MAP4K3: variants seen among roughly 807,000 people sequenced by gnomAD.
The protein encoded by MAP4K3 is MAPK/ERK kinase kinase kinase 3.
Under a neutral mutation model 143.5 loss-of-function variants are expected in MAP4K3, and 94 were observed. The observed-to-expected ratio is 0.65, with a 90% CI of 0.55 to 0.78. The LOEUF (loss-of-function observed/expected upper bound fraction) is 0.78. Ranked by LOEUF, MAP4K3 falls within the 30% of genes least tolerant of loss-of-function variation. The probability of loss-of-function intolerance (pLI) is 0.00; values close to 1 mark genes in which losing one functional copy is unlikely to be tolerated. For missense variants in MAP4K3, 1,077 were observed against 1,068.1 expected (o/e 1.01, Z -0.12); for synonymous variants, 416 against 347.2 (o/e 1.20, Z -2.20).
intron 24 of MAP4K3, among the ~76,000 whole-genome samples, chr2:39,278,143 G>A (rs978750461): frequency 1.2e-4 from 18 of 151,828 alleles, no homozygotes; most frequent in African/African-American, 3.6e-4. Context: ...TTGGCTGGGC[G>A]TGGTGGTGCG....
chr2:39,298,853 C>G (rs1461079610), intron 16 of MAP4K3, among the ~76,000 whole-genome samples: 1 of 151,480 alleles, frequency 6.6e-6, no homozygotes, highest in East Asian at 1.9e-4. Context: ...GTAGTCCCAG[C>G]TACTGGGAGG....
chr2:39,337,741 G>A (rs1558654066), intron 4 of MAP4K3, among the ~76,000 whole-genome samples, 160 bp from the exon 5 acceptor site: 1 of 144,476 alleles, frequency 6.9e-6, no homozygotes, highest in Non-Finnish European at 1.5e-5. Flanking sequence ...GTCCTACTGT[G>A]CCTGGCTCCA....
intron 28 of MAP4K3, among the ~76,000 whole-genome samples, chr2:39,262,288 T>C (rs1680602066): frequency 6.6e-6 from 1 of 152,222 alleles, no homozygotes; most frequent in Non-Finnish European, 1.5e-5. Context: ...TGTGTTCACC[T>C]GCTGTTCCTA....
At chr2:39,341,523 G>C (rs1665139659) in intron 4 of MAP4K3, among the ~76,000 whole-genome samples, 1 of 152,010 alleles carries the variant, frequency 6.6e-6, no homozygotes, top group Admixed American at 6.6e-5. Flanking sequence ...CGGTGTGGTG[G>C]CAGGAACCTG....
chr2:39,252,320 C>A lies in MAP4K3; in HGVS notation c.2542-435G>T, dbSNP rs138032393. ...AAAGGCAGACATGCCTTGAGTTTGA[C>A]TGTCAGTTCTCCCACTTACTGGGCA... On this transcript the variant is annotated intron_variant, in intron 32 of 33. Coordinates refer to ENST00000263881, the MANE Select transcript of MAP4K3 (RefSeq NM_003618.4). 2.4e-3 allele frequency among the ~76,000 whole-genome samples: 370 copies of A among 152,346 alleles called. 3 individuals carry two copies. Among genetic ancestry groups the A allele is most frequent in the African/African-American group, 7.9e-3 (328 of 41,588 alleles).
chr2:39,337,456 C>CA, intron 5 of MAP4K3, 70 bp downstream of exon 5: 1 of 1,070,924 alleles, frequency 9.3e-7, no homozygotes, highest in South Asian at 1.4e-5. Context: ...CTTTGCTGAA[C>CA]AGGTAATGCA....
intron 15 of MAP4K3, among the ~76,000 whole-genome samples, chr2:39,301,047 A>C (rs369275810): frequency 6.6e-6 from 1 of 152,190 alleles, no homozygotes; most frequent in African/African-American, 2.4e-5. Context: ...GACACTAAAA[A>C]CTAAGCCTCA....
rs139343955 is a variant in MAP4K3 at position 39,373,814 on chromosome 2, G to T, written c.154+4252C>A. ...GGAAGCTTACAGGGCTTGGTGGGGG[G>T]GTAGAAGGGATTTGGAGATGGTTAA... is the stretch of plus-strand genomic sequence containing the variant. On this transcript the variant is annotated intron_variant, in intron 2 of 33. Coordinates refer to ENST00000263881, the MANE Select transcript of MAP4K3 (RefSeq NM_003618.4). Among the ~76,000 whole-genome samples the T allele has an allele frequency of 3.4e-4, 52 of 152,128 alleles. No homozygotes were observed. The East Asian group carries it at 6.2e-3, about 18-fold the overall frequency.
intron 1 of MAP4K3, among the ~76,000 whole-genome samples, chr2:39,426,518 G>C (rs1362309413): frequency 2.0e-5 from 3 of 151,864 alleles, no homozygotes; most frequent in South Asian, 4.2e-4. Context: ...ACACATCAAA[G>C]TATTTATGGG....
chr2:39,327,311 G>T (rs76629034), intron 8 of MAP4K3, among the ~76,000 whole-genome samples: 5,168 of 152,086 alleles, frequency 0.034, 129 homozygotes, highest in South Asian at 0.054. Flanking sequence ...TATAATAATG[G>T]AAAAGTTATA....
intron 13 of MAP4K3, among the ~76,000 whole-genome samples, chr2:39,315,033 C>T (rs1326715419): frequency 1.3e-5 from 2 of 152,164 alleles, no homozygotes; most frequent in Admixed American, 6.5e-5. Flanking sequence ...TACATGCACA[C>T]AGGCATTTAC....
intron 1 of MAP4K3, among the ~76,000 whole-genome samples, chr2:39,386,820 C>CTTTTTTTT (rs56011585): frequency 1.4e-5 from 2 of 139,152 alleles, no homozygotes; most frequent in African/African-American, 5.5e-5. Flanking sequence ...TTTTGTTGTT[C>CTTTTTTTT]TTTTTTTTTT....
intron 1 of MAP4K3, among the ~76,000 whole-genome samples, chr2:39,395,563 T>C (rs1206189906): frequency 6.6e-6 from 1 of 152,242 alleles, no homozygotes; most frequent in Non-Finnish European, 1.5e-5. Context: ...AGCTAATTTG[T>C]CTTCCTGCTT....
At chr2:39,339,206 T>G (rs1665071875) in intron 4 of MAP4K3, among the ~76,000 whole-genome samples, 1 of 152,162 alleles carries the variant, frequency 6.6e-6, no homozygotes, top group African/African-American at 2.4e-5. Flanking sequence ...CTATTCCAAT[T>G]AGATTATTTT....
At chr2:39,378,212 T>C (rs1209733413) in intron 1 of MAP4K3, 89 bp from the exon 2 acceptor site, 16 of 663,600 alleles carry the variant, frequency 2.4e-5, no homozygotes, top group Non-Finnish European at 4.2e-5. Flanking sequence ...TTTTCAGTTA[T>C]ATAAAAATAT....
intron 1 of MAP4K3, among the ~76,000 whole-genome samples, chr2:39,400,031 T>TAACCAACTA (rs1666911735): frequency 6.6e-6 from 1 of 152,142 alleles, no homozygotes. Context: ...CAGACCCATA[T>TAACCAACTA]AACCAACTAG....
chr2:39,291,834 C>T (rs888023924), intron 18 of MAP4K3, among the ~76,000 whole-genome samples: 1 of 152,134 alleles, frequency 6.6e-6, no homozygotes, highest in Non-Finnish European at 1.5e-5. Flanking sequence ...CAAGATCACA[C>T]CACTGCACTT....
chr2:39,343,302 A>C, intron 4 of MAP4K3, 86 bp downstream of exon 4: 1 of 896,428 alleles, frequency 1.1e-6, no homozygotes, highest in Non-Finnish European at 1.8e-6. Context: ...GCTTTCCTTA[A>C]GATAATGTTG....
At chr2:39,410,521 A>G (rs1317496149) in intron 1 of MAP4K3, among the ~76,000 whole-genome samples, 1 of 152,192 alleles carries the variant, frequency 6.6e-6, no homozygotes, top group Non-Finnish European at 1.5e-5. Context: ...TTACAGTCAC[A>G]TGTCACTCTA....
Sources: allele counts gnomAD v4.1 joint callset (sites outside exome capture counted in the v4.1 genomes callset), GRCh38; gene constraint gnomAD v4.1.1; transcripts MANE v1.5; gene names NCBI Gene and HGNC (gene_info 2026-07-23, HGNC 2026-07-21).